NRG3: variants seen among roughly 807,000 people sequenced by gnomAD.
The protein encoded by NRG3 is neuregulin 3, also known as pro-neuregulin-3, membrane-bound isoform.
NRG3 carries 31 observed loss-of-function variants against 66.9 expected under a neutral mutation model. The ratio of observed to expected loss-of-function variants is 0.46; its 90% CI spans 0.35 to 0.63. The LOEUF (loss-of-function observed/expected upper bound fraction) is 0.63. NRG3 is among the 20% of genes least tolerant of loss of function. The pLI, the probability that NRG3 is intolerant of heterozygous loss-of-function variation, is 0.00. For synonymous variants in NRG3, 393 were observed against 359.4 expected (o/e 1.09, Z -1.06); for missense variants, 910 against 878.9 (o/e 1.04, Z -0.45).
chr10:82,951,884 G>T (rs2132364351), intron 5 of NRG3, among the ~76,000 whole-genome samples: 1 of 152,284 alleles, frequency 6.6e-6, no homozygotes, highest in South Asian at 2.1e-4. Context: ...TTAAGGGCTT[G>T]GTGTCTGCCT....
intron 3 of NRG3, among the ~76,000 whole-genome samples, chr10:82,783,021 G>T (rs1467804480): frequency 6.6e-6 from 1 of 152,056 alleles, no homozygotes; most frequent in Admixed American, 6.6e-5. Flanking sequence ...TGATCAAGTG[G>T]GCTTCATCCC....
At chr10:82,611,758 A>G (rs890081024) in intron 2 of NRG3, among the ~76,000 whole-genome samples, 1 of 152,170 alleles carries the variant, frequency 6.6e-6, no homozygotes, top group Non-Finnish European at 1.5e-5. Flanking sequence ...TAGTAGCATG[A>G]TTTATAATCC....
At chr10:82,570,915 T>C (rs2045690910) in intron 2 of NRG3, among the ~76,000 whole-genome samples, 1 of 151,618 alleles carries the variant, frequency 6.6e-6, no homozygotes, top group South Asian at 2.1e-4. Context: ...CTCATATATA[T>C]CTCAAACCTG....
chr10:82,231,132 C>T (rs909379155), intron 1 of NRG3, among the ~76,000 whole-genome samples: 12 of 152,092 alleles, frequency 7.9e-5, no homozygotes, highest in Non-Finnish European at 1.5e-4. Context: ...CACCTAAGGT[C>T]AGGAGTTCGA....
At chr10:82,078,261 A>G (rs2065201465) in intron 1 of NRG3, among the ~76,000 whole-genome samples, 1 of 152,226 alleles carries the variant, frequency 6.6e-6, no homozygotes, top group Non-Finnish European at 1.5e-5. Flanking sequence ...TCCTCAGAGT[A>G]GGAAAGATTG....
intron 1 of NRG3, among the ~76,000 whole-genome samples, chr10:82,269,135 CCTT>C (rs149061803): frequency 0.018 from 2,691 of 152,114 alleles, 60 homozygotes; most frequent in African/African-American, 0.05. Flanking sequence ...CTCAGGAATC[CCTT>C]CTTAATTTTT....
intron 2 of NRG3, among the ~76,000 whole-genome samples, chr10:82,621,356 A>T (rs1046982341): frequency 6.6e-6 from 1 of 152,196 alleles, no homozygotes; most frequent in Non-Finnish European, 1.5e-5. Context: ...ACCTGGGGAA[A>T]ATTCCTGCTG....
chr10:82,719,306 T>A (rs997227781), intron 2 of NRG3, among the ~76,000 whole-genome samples: 2 of 152,206 alleles, frequency 1.3e-5, no homozygotes, highest in Non-Finnish European at 2.9e-5. Context: ...GTGGAATGAT[T>A]AGGGGAAAAA....
intron 2 of NRG3, among the ~76,000 whole-genome samples, chr10:82,730,536 A>G: frequency 6.6e-6 from 1 of 152,242 alleles, no homozygotes; most frequent in East Asian, 1.9e-4. Context: ...GTTCTAAAGC[A>G]GCCGTTACTC....
At chr10:82,625,322 C>T (rs1387114538) in intron 2 of NRG3, among the ~76,000 whole-genome samples, 2 of 152,066 alleles carry the variant, frequency 1.3e-5, no homozygotes, top group African/African-American at 4.8e-5. Context: ...GATCACAAAT[C>T]ACTGGTAAAC....
At chr10:82,452,298 C>T (rs2091052663) in intron 2 of NRG3, among the ~76,000 whole-genome samples, 1 of 152,204 alleles carries the variant, frequency 6.6e-6, no homozygotes, top group Non-Finnish European at 1.5e-5. Flanking sequence ...ATTATGTATT[C>T]ACTACATCTG....
At chr10:82,941,845 C>G (rs1196152910) in intron 4 of NRG3, among the ~76,000 whole-genome samples, 1 of 152,106 alleles carries the variant, frequency 6.6e-6, no homozygotes, top group Non-Finnish European at 1.5e-5. Flanking sequence ...AAAGGAGCCT[C>G]TGAGGTATAG....
chr10:82,908,576 G>T (rs1020532475), intron 4 of NRG3, among the ~76,000 whole-genome samples: 2 of 152,134 alleles, frequency 1.3e-5, no homozygotes, highest in Admixed American at 1.3e-4. Context: ...ACGGCAATCA[G>T]TATGCTAAAA....
intron 2 of NRG3, among the ~76,000 whole-genome samples, chr10:82,399,482 C>T (rs2086934455): frequency 6.6e-6 from 1 of 152,086 alleles, no homozygotes; most frequent in African/African-American, 2.4e-5. Flanking sequence ...AGTTGATGAA[C>T]AATAGAAATT....
At chr10:82,261,784 C>T (rs970329013) in intron 1 of NRG3, among the ~76,000 whole-genome samples, 4 of 152,258 alleles carry the variant, frequency 2.6e-5, no homozygotes, top group Admixed American at 1.3e-4. Flanking sequence ...GGTTTAGGAA[C>T]GCCTTTAAGC....
At chr10:82,495,055 C>T (rs1843492848) in intron 2 of NRG3, among the ~76,000 whole-genome samples, 1 of 151,964 alleles carries the variant, frequency 6.6e-6, no homozygotes, top group Non-Finnish European at 1.5e-5. Context: ...ATTCTCCTGC[C>T]TCAGCCTCCC....
intron 2 of NRG3, among the ~76,000 whole-genome samples, chr10:82,405,030 G>A (rs949484812): frequency 1.3e-5 from 2 of 152,118 alleles, no homozygotes; most frequent in Non-Finnish European, 2.9e-5. Context: ...GTGAGAGAAT[G>A]ATCCACAATT....
At chr10:82,481,881 G>A (rs1236584715) in intron 2 of NRG3, among the ~76,000 whole-genome samples, 2 of 152,088 alleles carry the variant, frequency 1.3e-5, no homozygotes, top group Non-Finnish European at 2.9e-5. Context: ...TAGCTACTTT[G>A]GAGGCTGAGA....
At chr10:82,707,835 A>T (rs1433981555) in intron 2 of NRG3, among the ~76,000 whole-genome samples, 2 of 132,090 alleles carry the variant, frequency 1.5e-5, no homozygotes, top group African/African-American at 2.8e-5. Flanking sequence ...ATGGTGAAAC[A>T]TCATCTCTAC....
Sources: allele counts gnomAD v4.1 joint callset (sites outside exome capture counted in the v4.1 genomes callset), GRCh38; gene constraint gnomAD v4.1.1; transcripts MANE v1.5; gene names NCBI Gene and HGNC (gene_info 2026-07-23, HGNC 2026-07-21).